The following HAPSTR1 variants were observed in gnomAD, a reference collection of about 807,000 sequenced individuals.
HAPSTR1 encodes the protein HUWE1-associated protein modifying stress responses 1.
chr16:9,093,032 A>G, the HAPSTR1 span: 9 of 1,584,264 alleles, frequency 5.7e-6, no homozygotes, highest in Admixed American at 3.5e-5. Context: ...TTGCCGATTC[A>G]GGGAAGGGCC....
the HAPSTR1 span, among the ~76,000 whole-genome samples, chr16:9,094,831 G>A: frequency 6.6e-6 from 1 of 152,206 alleles, no homozygotes; most frequent in Non-Finnish European, 1.5e-5. Context: ...AGCCTAGGCC[G>A]TATAAAATGG....
At chr16:9,091,737 C>T in the HAPSTR1 span, 1 of 398,954 alleles carries the variant, frequency 2.5e-6, no homozygotes, top group Non-Finnish European at 4.4e-6. Context: ...GCCGCAGCGC[C>T]ATGGGGGGGC....
chr16:9,101,031 T>G, the HAPSTR1 span, among the ~76,000 whole-genome samples: 1 of 152,270 alleles, frequency 6.6e-6, no homozygotes, highest in Non-Finnish European at 1.5e-5. Flanking sequence ...TTCTTCTAGG[T>G]AGGATAGGTT....
chr16:9,116,638 C>G, the HAPSTR1 span: 2 of 1,600,504 alleles, frequency 1.2e-6, no homozygotes, highest in Non-Finnish European at 1.7e-6. Context: ...CATAATTGAG[C>G]AACTCTAAAA....
the HAPSTR1 span, among the ~76,000 whole-genome samples, chr16:9,116,444 T>C: frequency 6.6e-6 from 1 of 152,202 alleles, no homozygotes; most frequent in African/African-American, 2.4e-5. Context: ...TTTTAGTAAT[T>C]GGTAGTTACC....
chr16:9,098,193 A>G, the HAPSTR1 span, among the ~76,000 whole-genome samples: 1 of 152,274 alleles, frequency 6.6e-6, no homozygotes, highest in East Asian at 1.9e-4. Context: ...TTAACTGGGC[A>G]TTGTGGTGCA....
the HAPSTR1 span, among the ~76,000 whole-genome samples, chr16:9,098,695 G>A: frequency 1.1e-3 from 160 of 152,278 alleles, no homozygotes; most frequent in African/African-American, 3.7e-3. Flanking sequence ...TTTTCTGTGT[G>A]GTGGACTGGC....
the HAPSTR1 span, chr16:9,091,768 C>A: frequency 2.6e-6 from 1 of 389,562 alleles, no homozygotes; most frequent in Admixed American, 4.5e-5. Context: ...CTGCGGCGGC[C>A]GAGGCGAGGG....
the HAPSTR1 span, among the ~76,000 whole-genome samples, chr16:9,100,814 C>T: frequency 6.6e-6 from 1 of 152,152 alleles, no homozygotes; most frequent in Non-Finnish European, 1.5e-5. Flanking sequence ...GGATTACAGG[C>T]ATGAGCCACC....
chr16:9,100,452 T>G, the HAPSTR1 span, among the ~76,000 whole-genome samples: 1 of 152,078 alleles, frequency 6.6e-6, no homozygotes, highest in African/African-American at 2.4e-5. Flanking sequence ...CGTGGCCCCT[T>G]CCTTTTGGCC....
chr16:9,093,318 C>T, the HAPSTR1 span, among the ~76,000 whole-genome samples: 1 of 152,182 alleles, frequency 6.6e-6, no homozygotes, highest in Admixed American at 6.5e-5. Context: ...CCGGCCCCCT[C>T]TCAGCGAAGA....
At chr16:9,094,331 C>G in the HAPSTR1 span, among the ~76,000 whole-genome samples, 2 of 152,202 alleles carry the variant, frequency 1.3e-5, no homozygotes, top group African/African-American at 2.4e-5. Flanking sequence ...GAGTAAATTG[C>G]TTCAACATCT....
At chr16:9,096,596 G>C in the HAPSTR1 span, among the ~76,000 whole-genome samples, 1 of 152,220 alleles carries the variant, frequency 6.6e-6, no homozygotes, top group Non-Finnish European at 1.5e-5. Context: ...AGGTGACTTA[G>C]AAACAAATGG....
chr16:9,121,142 C>T, the HAPSTR1 span: 8 of 152,136 alleles, frequency 5.3e-5, no homozygotes, highest in East Asian at 1.9e-4. Flanking sequence ...TTAGTAGAGA[C>T]GGGATTTCAC....
the HAPSTR1 span, chr16:9,113,005 G>GTTTTTTTTTTTTTTTTTTTT: frequency 7.3e-6 from 1 of 136,652 alleles, no homozygotes. Flanking sequence ...GTACAACTTG[G>GTTTTTTTTTTTTTTTTTTTT]TTTTTTTTTT....
At chr16:9,106,148 C>T in the HAPSTR1 span, 1 of 152,188 alleles carries the variant, frequency 6.6e-6, no homozygotes, top group Non-Finnish European at 1.5e-5. Flanking sequence ...GTGGCTCACA[C>T]CTATAATGCC....
chr16:9,119,127 A>G, the HAPSTR1 span: 1 of 152,588 alleles, frequency 6.6e-6, no homozygotes, highest in Admixed American at 6.5e-5. Flanking sequence ...CACCTAATGA[A>G]TTTGTCACCC....
the HAPSTR1 span, among the ~76,000 whole-genome samples, chr16:9,114,096 A>G: frequency 6.6e-6 from 1 of 152,260 alleles, no homozygotes; most frequent in African/African-American, 2.4e-5. Flanking sequence ...GTAGAAAGAT[A>G]GCTCAAGATT....
the HAPSTR1 span, chr16:9,102,879 C>T: frequency 2.5e-6 from 3 of 1,190,004 alleles, no homozygotes; most frequent in Non-Finnish European, 3.5e-6. Context: ...TCAGAGGCCA[C>T]ATCATGGTAT....
Sources: gnomAD v4.1 joint callset for allele counts (sites outside exome capture counted in the v4.1 genomes callset) on GRCh38, gnomAD v4.1.1 for gene constraint, MANE v1.5 for transcripts, NCBI Gene and HGNC (gene_info 2026-07-23, HGNC 2026-07-21) for gene names.